The following KLF12 variants were observed in gnomAD, a reference collection of about 807,000 sequenced individuals.
KLF12 encodes the protein Krueppel-like factor 12.
Under a neutral mutation model 37.8 loss-of-function variants are expected in KLF12, and 9 were observed. That is an observed-to-expected ratio of 0.24 (90% CI 0.14 to 0.42). The LOEUF is 0.42. Ranked by LOEUF, KLF12 falls within the 10% of genes least tolerant of loss-of-function variation. The pLI, the probability that KLF12 is intolerant of heterozygous loss-of-function variation, is 1.00. For synonymous variants in KLF12, 208 were observed against 202.1 expected (o/e 1.03, Z -0.25); for missense variants, 411 against 516.0 (o/e 0.80, Z 1.97).
chr13:73,849,825 C>T (rs1885237247), intron 3 of KLF12, among the ~76,000 whole-genome samples: 1 of 151,954 alleles, frequency 6.6e-6, no homozygotes, highest in Non-Finnish European at 1.5e-5. Flanking sequence ...AAATAAAAGC[C>T]CATCATGATC....
At chr13:73,949,385 G>A (rs1435439014) in intron 2 of KLF12, among the ~76,000 whole-genome samples, 1 of 152,154 alleles carries the variant, frequency 6.6e-6, no homozygotes, top group Non-Finnish European at 1.5e-5. Flanking sequence ...GCAACGATTT[G>A]GAGAATCAGT....
the KLF12 span, among the ~76,000 whole-genome samples, chr13:74,255,991 T>TTCC: frequency 2.0e-5 from 3 of 151,784 alleles, no homozygotes; most frequent in Admixed American, 1.3e-4. Context: ...CCGTCTCTGC[T>TTCC]AAAAATACAA....
the KLF12 span, among the ~76,000 whole-genome samples, chr13:74,274,434 C>A: frequency 1.3e-5 from 2 of 152,174 alleles, no homozygotes; most frequent in African/African-American, 4.8e-5. Flanking sequence ...AATCTTTCCA[C>A]CTGTTCCTAA....
At chr13:74,059,286 T>C (rs780695522) in intron 1 of KLF12, among the ~76,000 whole-genome samples, 10 of 152,204 alleles carry the variant, frequency 6.6e-5, no homozygotes, top group Non-Finnish European at 1.0e-4. Context: ...TTATCTTCCT[T>C]TGGGTAGACA....
intron 7 of KLF12, among the ~76,000 whole-genome samples, chr13:73,707,577 A>C (rs1875046177): frequency 6.6e-6 from 1 of 152,184 alleles, no homozygotes; most frequent in Non-Finnish European, 1.5e-5. Flanking sequence ...ACTAAGCACT[A>C]TGCTTTATCT....
the KLF12 span, among the ~76,000 whole-genome samples, chr13:74,139,542 C>G: frequency 6.6e-6 from 1 of 152,168 alleles, no homozygotes; most frequent in Admixed American, 6.5e-5. Flanking sequence ...CAGTGTTCCT[C>G]AAGCAACCTT....
At chr13:74,284,689 G>A in the KLF12 span, among the ~76,000 whole-genome samples, 1 of 152,170 alleles carries the variant, frequency 6.6e-6, no homozygotes, top group Admixed American at 6.5e-5. Context: ...AAGCCTGGTG[G>A]GCAATGGTGG....
chr13:73,992,185 G>T (rs1181763426), intron 2 of KLF12, among the ~76,000 whole-genome samples: 1 of 152,168 alleles, frequency 6.6e-6, no homozygotes, highest in African/African-American at 2.4e-5. Context: ...ATGGCTGGGG[G>T]AAAGAAAAAT....
At chr13:74,220,915 A>G in the KLF12 span, among the ~76,000 whole-genome samples, 1 of 151,792 alleles carries the variant, frequency 6.6e-6, no homozygotes, top group Non-Finnish European at 1.5e-5. Flanking sequence ...GATTTAAAAT[A>G]TTTCATCTCA....
intron 1 of KLF12, among the ~76,000 whole-genome samples, chr13:74,071,198 G>A (rs1210329572): frequency 6.6e-6 from 1 of 152,022 alleles, no homozygotes; most frequent in East Asian, 1.9e-4. Context: ...ATAATCTATG[G>A]AATCCTAGTT....
chr13:73,734,391 G>C lies in KLF12; in HGVS notation c.870-18866C>G, dbSNP rs536140443. Among the ~76,000 whole-genome samples the C allele has an allele frequency of 2.6e-5, 4 of 152,106 alleles. No individual in the cohort carries two copies. In the South Asian group the frequency reaches 8.3e-4, roughly 32 times the overall value. On this transcript the variant is annotated intron_variant, in intron 6 of 7. Transcript: ENST00000377669. ...AGCAGAATGTAAGTTTTATGTGGCT[G>C]GGGGACTTTTTATTCATTTTTGTGT...
intron 6 of KLF12, among the ~76,000 whole-genome samples, chr13:73,723,452 A>C (rs1309605270): frequency 2.0e-5 from 3 of 152,188 alleles, no homozygotes; most frequent in Non-Finnish European, 4.4e-5. Context: ...CCGGGGTTTA[A>C]ATTATGTTTT....
intron 7 of KLF12, among the ~76,000 whole-genome samples, chr13:73,700,939 A>C (rs966611111): frequency 6.6e-6 from 1 of 152,212 alleles, no homozygotes; most frequent in African/African-American, 2.4e-5. Flanking sequence ...TCATGATGAG[A>C]GTAAAAAAAC....
chr13:74,286,065 T>C, the KLF12 span, among the ~76,000 whole-genome samples: 1 of 152,198 alleles, frequency 6.6e-6, no homozygotes, highest in Non-Finnish European at 1.5e-5. Flanking sequence ...AGCTCACTCT[T>C]TCTATCTTCC....
chr13:73,871,222 C>T (rs1254680313), intron 3 of KLF12, among the ~76,000 whole-genome samples: 5 of 152,168 alleles, frequency 3.3e-5, no homozygotes, highest in African/African-American at 1.2e-4. Flanking sequence ...GTTGTGTCAG[C>T]TGTAGTACTC....
At chr13:74,027,514 C>CAGAG (rs1460503801) in intron 1 of KLF12, among the ~76,000 whole-genome samples, 4 of 152,128 alleles carry the variant, frequency 2.6e-5, no homozygotes, top group African/African-American at 4.8e-5. Context: ...AGGAGGAAGA[C>CAGAG]AGAGTATAGT....
At chr13:74,212,689 A>C in the KLF12 span, among the ~76,000 whole-genome samples, 1 of 152,182 alleles carries the variant, frequency 6.6e-6, no homozygotes, top group African/African-American at 2.4e-5. Flanking sequence ...AAATCAATTC[A>C]TAATTGATTT....
the KLF12 span, among the ~76,000 whole-genome samples, chr13:74,275,088 G>A: frequency 6.6e-6 from 1 of 152,168 alleles, no homozygotes; most frequent in Admixed American, 6.6e-5. Flanking sequence ...AGGAGACATG[G>A]AGAGAGCCAT....
the KLF12 span, among the ~76,000 whole-genome samples, chr13:74,303,758 C>T: frequency 7.2e-5 from 11 of 151,996 alleles, no homozygotes; most frequent in African/African-American, 2.7e-4. Context: ...TCAGATATAT[C>T]CTCCTGGTTT....
Sources: gnomAD v4.1 joint callset for allele counts (sites outside exome capture counted in the v4.1 genomes callset) on GRCh38, gnomAD v4.1.1 for gene constraint, MANE v1.5 for transcripts, NCBI Gene and HGNC (gene_info 2026-07-23, HGNC 2026-07-21) for gene names.